Variants in FHOD1 observed in about 807,000 individuals in gnomAD.
The protein encoded by FHOD1 is formin homology 2 domain containing 1, also known as FH1/FH2 domain-containing protein 1.
In FHOD1, 89 loss-of-function variants were observed where a neutral mutation model predicts 111.6. The ratio of observed to expected loss-of-function variants is 0.80; its 90% CI spans 0.67 to 0.95. The LOEUF (loss-of-function observed/expected upper bound fraction) is 0.95, where lower values mean the gene tolerates loss of function less well. FHOD1 is among the 40% of genes least tolerant of loss of function. The pLI, the probability that FHOD1 is intolerant of heterozygous loss-of-function variation, is 0.00. For missense variants in FHOD1, 1,446 were observed against 1,554.2 expected, an observed-to-expected ratio of 0.93 and a Z score of 1.17; for synonymous variants, 618 against 639.0, an observed-to-expected ratio of 0.97 and a Z score of 0.50.
At chr16:67,243,383 T>C (rs1016096078) in intron 1 of FHOD1, among the ~76,000 whole-genome samples, 5 of 144,662 alleles carry the variant, frequency 3.5e-5, no homozygotes, top group Admixed American at 6.9e-5. Flanking sequence ...TTTTCTTTTC[T>C]TTTTTTTTTT....
chr16:67,234,744 G>T, intron 11 of FHOD1: 3 of 435,178 alleles, frequency 6.9e-6, no homozygotes, highest in Non-Finnish European at 1.2e-5. Flanking sequence ...CCTCGTTCAT[G>T]TTCACTGTCC....
chr16:67,247,374 C>T lies in FHOD1; in HGVS notation c.37G>A (p.Val13Ile), dbSNP rs1171120616. 3.1e-6 allele frequency: 5 copies of T among 1,613,392 alleles called. No homozygotes were observed. Among genetic ancestry groups the T allele is most frequent in the East Asian group, 2.2e-5 (1 of 44,846 alleles). ...GGEDRGDGEP[V>I]SVVTVRVQYL... ...TGCACCCTCACGGTCACCACTGATA[C>T]CGGCTCTCCGTCCCCGCGGTCTTCC... The change falls in exon 1 of 22, where the codon GTA becomes ATA. Residue 13 changes from valine (V) to isoleucine (I), a missense_variant. By Grantham distance (29) the Val-to-Ile change is conservative. Around this residue, in one of 3 missense-constraint regions of FHOD1, gnomAD observed 127 missense variants for 118.0 expected, o/e 1.08. Coordinates refer to ENST00000258201, the MANE Select transcript of FHOD1 (RefSeq NM_013241.3).
rs778120536 is a variant in FHOD1, at chr16:67,231,859, CAGGCCTG to C, written c.2203-47_2203-41del. ...AGAGCCTGACATGGCCCCCTCAATGCAGGCCTGAGGCCTGAGGCATTGGTCTTGACCC... is the reference window on the plus strand; with the variant it reads ...AGAGCCTGACATGGCCCCCTCAATGCAGGCCTGAGGCATTGGTCTTGACCC... On this transcript the variant is annotated intron_variant, in intron 14 of 21. Transcript: ENST00000258201. This position sits in a 1 kb window ranked among gnomAD's most constrained non-coding sequence, Gnocchi z 4.3. 1.0e-3 allele frequency: 1,629 copies of C among 1,598,554 alleles called. 2 individuals carry two copies. The highest frequency in any genetic ancestry group is 1.3e-3 in the Non-Finnish European group (1,497 of 1,171,560).
rs201725796 is a variant in FHOD1 at position 67,229,610 on chromosome 16, A to G, written c.*26T>C. 1 of 1,604,656 alleles carries G rather than the reference A, an allele frequency of 6.2e-7. No individual in the cohort carries two copies. The highest frequency in any genetic ancestry group is 1.3e-5 in the African/African-American group (1 of 74,876). ...TCTCCTGCACTGCAGTCCAGGGTCC[A>G]GATAGATTTCCGGGATACAGCACCT... On this transcript the variant is annotated 3_prime_UTR_variant, in exon 22 of 22. Transcript: ENST00000258201.
chr16:67,229,541 G>T lies in FHOD1; in HGVS notation c.*95C>A. 1 of 1,134,698 alleles carries T rather than the reference G, an allele frequency of 8.8e-7. No homozygotes were observed. Among genetic ancestry groups the T allele is most frequent in the Non-Finnish European group, 1.3e-6 (1 of 746,388 alleles). The allele number at this position is 1,134,698 out of a possible 1,614,324, so 70.3% of individuals were successfully genotyped here. A position where few individuals can be genotyped will look rare whatever the true frequency, so the allele number is the denominator to read the frequency against. On this transcript the variant is annotated 3_prime_UTR_variant, in exon 22 of 22. Coordinates refer to ENST00000258201, the MANE Select transcript of FHOD1 (RefSeq NM_013241.3). ...TCAAGGCATGGCTCCTGGGCACAGAGTTCTGGGGCCAGAATTCTGCTCTGG... is the reference window on the plus strand; with the variant it reads ...TCAAGGCATGGCTCCTGGGCACAGATTTCTGGGGCCAGAATTCTGCTCTGG...
chr16:67,237,026 C>A lies in FHOD1; in HGVS notation c.1082G>T (p.Gly361Val), dbSNP rs745829895. 9.3e-6 allele frequency: 15 copies of A among 1,612,730 alleles called. No individual in the cohort carries two copies. In the East Asian group the frequency reaches 3.1e-4, roughly 34 times the overall value. ...TTCCAGAGAACGGCGGCTCCTCTTGCCCTCCTCAGAAGAAGGCTTTCGTCG... is the reference window on the plus strand; with the variant it reads ...TTCCAGAGAACGGCGGCTCCTCTTGACCTCCTCAGAAGAAGGCTTTCGTCG... ...RERRKPSSEEGKRSRRSLEGG... is the reference protein window; with the variant it reads ...RERRKPSSEEVKRSRRSLEGG... The change falls in exon 10 of 22, where the codon GGC becomes GTC. Residue 361 changes from glycine (G) to valine (V), a missense_variant. Physicochemically the swap from Gly to Val is moderately radical, Grantham distance 109 (BLOSUM62 -3). This residue lies in a region of FHOD1 where 1,085 missense variants were observed against 1,108.8 expected (regional missense o/e 0.98). Coordinates refer to ENST00000258201, the MANE Select transcript of FHOD1 (RefSeq NM_013241.3). This position sits in a 1 kb window ranked among gnomAD's most constrained non-coding sequence, Gnocchi z 5.6.
chr16:67,239,878 T>G (rs1253184091), intron 1 of FHOD1, among the ~76,000 whole-genome samples: 1 of 152,146 alleles, frequency 6.6e-6, no homozygotes, highest in Non-Finnish European at 1.5e-5. Flanking sequence ...TGACACACAG[T>G]AAGCACTCAC....
chr16:67,241,519 C>T (rs1274262210), intron 1 of FHOD1, among the ~76,000 whole-genome samples: 2 of 152,238 alleles, frequency 1.3e-5, no homozygotes, highest in East Asian at 3.8e-4. Context: ...CCCCTCGAAT[C>T]ACACACATAT....
intron 1 of FHOD1, 118 bp downstream of exon 1, chr16:67,247,092 A>G: frequency 8.1e-7 from 1 of 1,235,696 alleles, no homozygotes; most frequent in Non-Finnish European, 1.1e-6. Context: ...CCCCAGCCCA[A>G]GACTTTTCCG....
chr16:67,242,280 T>C (rs1457897089), intron 1 of FHOD1, among the ~76,000 whole-genome samples: 1 of 152,206 alleles, frequency 6.6e-6, no homozygotes, highest in Non-Finnish European at 1.5e-5. Context: ...ATGGTCCACA[T>C]TCTCTAGCCT....
rs767261910 is a variant in FHOD1 at position 67,231,342 on chromosome 16, C to T, written c.2513G>A (p.Gly838Asp). 1 of 1,614,156 alleles carries T rather than the reference C, an allele frequency of 6.2e-7. No individual in the cohort carries two copies. The highest frequency in any genetic ancestry group is 1.1e-5 in the South Asian group (1 of 91,074). ...GNFLNGSQSSGFELSYLEKVS... is the reference protein window; with the variant it reads ...GNFLNGSQSSDFELSYLEKVS... Reference sequence around the variant, plus strand: ...CTTCTCCAGGTAGCTCAGCTCAAAGCCGCTGCTCTGAAAGGACCCTTTCTG... The same window carrying T: ...CTTCTCCAGGTAGCTCAGCTCAAAGTCGCTGCTCTGAAAGGACCCTTTCTG... The change falls in exon 17 of 22, where the codon GGC becomes GAC. Residue 838 changes from glycine to aspartate, a missense_variant. This residue lies in a region of FHOD1 where 1,085 missense variants were observed against 1,108.8 expected (regional missense o/e 0.98). Coordinates refer to ENST00000258201, the MANE Select transcript of FHOD1 (RefSeq NM_013241.3). This position sits in a 1 kb window ranked among gnomAD's most constrained non-coding sequence, Gnocchi z 4.3.
chr16:67,239,114 G>C, intron 2 of FHOD1, 147 bp from the exon 3 acceptor site: 2 of 808,910 alleles, frequency 2.5e-6, no homozygotes, highest in Admixed American at 4.3e-5. Flanking sequence ...GGGTTGGTCG[G>C]ACAAGAGGGT....
Position 67,231,252 on chromosome 16 carries a change from A to G in FHOD1, c.2603T>C (p.Leu868Pro). 1 of 1,614,210 alleles carries G rather than the reference A, an allele frequency of 6.2e-7. No homozygotes were observed. Among genetic ancestry groups the G allele is most frequent in the Non-Finnish European group, 8.5e-7 (1 of 1,180,026 alleles). The change falls in exon 17 of 22, where the codon CTC becomes CCC. Residue 868 changes from leucine (L) to proline (P), a missense_variant. Around this residue, in one of 3 missense-constraint regions of FHOD1, gnomAD observed 1,085 missense variants for 1,108.8 expected, o/e 0.98. Coordinates refer to ENST00000258201, the MANE Select transcript of FHOD1 (RefSeq NM_013241.3). The surrounding 1 kb of genome is among the most constrained non-coding windows in gnomAD (Gnocchi z 4.3). ...SLLHHLCSLV[L>P]QTRPESSDLY... ...GTCAGAGGACTCAGGCCGGGTCTGG[A>G]GCACTAGGGAGCAGAGATGGTGTAG... is the stretch of plus-strand genomic sequence containing the variant.
At chr16:67,246,346 C>T (rs1451452682) in intron 1 of FHOD1, among the ~76,000 whole-genome samples, 1 of 152,186 alleles carries the variant, frequency 6.6e-6, no homozygotes, top group African/African-American at 2.4e-5. Context: ...GTGCGCCTCC[C>T]AGAGTCCTGG....
chr16:67,232,929 A>G (rs2093738543), intron 13 of FHOD1, among the ~76,000 whole-genome samples: 1 of 150,208 alleles, frequency 6.7e-6, no homozygotes, highest in African/African-American at 2.5e-5. Context: ...GCTCATTTTC[A>G]TATTTTTAGT....
intron 1 of FHOD1, among the ~76,000 whole-genome samples, chr16:67,240,477 C>T (rs898523365): frequency 1.3e-5 from 2 of 152,120 alleles, no homozygotes; most frequent in African/African-American, 2.4e-5. Context: ...TGCAGTGAGC[C>T]GAGATCATGT....
chr16:67,239,689 C>T (rs1258575566), intron 1 of FHOD1, among the ~76,000 whole-genome samples: 1 of 152,202 alleles, frequency 6.6e-6, no homozygotes, highest in African/African-American at 2.4e-5. Context: ...CTGGCTGATA[C>T]CTACCTATTC....
chr16:67,231,959 C>A lies in FHOD1; in HGVS notation c.2202+80G>T. On this transcript the variant is annotated intron_variant, in intron 14 of 21. Transcript: ENST00000258201. This position sits in a 1 kb window ranked among gnomAD's most constrained non-coding sequence, Gnocchi z 4.3. ...GCAGAAATGCCAAGCCCATGCCCAC[C>A]ACCAGAGGGACAGGAAATGCCCACC... 1 of 1,577,250 alleles carries A rather than the reference C, an allele frequency of 6.3e-7. No individual in the cohort carries two copies. The highest frequency in any genetic ancestry group is 8.6e-7 in the Non-Finnish European group (1 of 1,158,650).
rs773360285 is a variant in FHOD1 at position 67,230,235 on chromosome 16, AAAG to A, written c.3052-10_3052-8del. ...CACCTGAGAACTTCTCTGTCTGGAG[AAAG>A]AAGAAGGGTGAGCTGGGAGGAGCGA... On this transcript the variant is annotated splice_region_variant and splice_polypyrimidine_tract_variant and intron_variant, in intron 19 of 21. Coordinates refer to ENST00000258201, the MANE Select transcript of FHOD1 (RefSeq NM_013241.3). The A allele has an allele frequency of 1.4e-5, 22 of 1,613,826 alleles. No individual in the cohort carries two copies. The highest frequency in any genetic ancestry group is 6.7e-5 in the Admixed American group (4 of 60,014).
Sources: gnomAD v4.1 joint callset for allele counts (sites outside exome capture counted in the v4.1 genomes callset) on GRCh38, gnomAD v4.1.1 for gene constraint, gnomAD v4.1.1 regional missense constraint, Gnocchi (gnomAD v3.1) non-coding constraint, MANE v1.5 for transcripts, NCBI Gene and HGNC (gene_info 2026-07-23, HGNC 2026-07-21) for gene names.